Variants in SLC35G2 observed in about 807,000 individuals in gnomAD.
SLC35G2 encodes transmembrane protein 22.
SLC35G2 carries 20 observed loss-of-function variants against 27.2 expected under a neutral mutation model. The ratio of observed to expected loss-of-function variants is 0.74; its 90% confidence interval spans 0.52 to 1.07. The LOEUF is 1.07. SLC35G2 is among the 50% of genes least tolerant of loss of function. The pLI is 0.00. For synonymous variants in SLC35G2, 148 were observed against 165.3 expected (o/e 0.90, Z 0.80); for missense variants, 416 against 493.3 (o/e 0.84, Z 1.48).
rs769818276 is a variant in SLC35G2, at chr3:136,854,940, AC to A, written c.483del (p.Ser162ValfsTer27). ...VCYYQEAPFG[P>X]SGYRLRLFFY... ...GTTACTATCAGGAGGCCCCCTTTGGACCCAGTGGATACAGATTACGACTCTT... is the reference window on the plus strand; with the variant it reads ...GTTACTATCAGGAGGCCCCCTTTGGACCAGTGGATACAGATTACGACTCTT... On this transcript the variant is annotated frameshift_variant, in exon 2 of 2. Coordinates refer to ENST00000446465, the MANE Select transcript of SLC35G2 (RefSeq NM_025246.3). LOFTEE classifies it high-confidence loss of function. 3 of 1,613,986 alleles carry A rather than the reference AC, an allele frequency of 1.9e-6. No homozygotes were observed. The highest frequency in any genetic ancestry group is 2.5e-6 in the Non-Finnish European group (3 of 1,180,032).
intron 1 of SLC35G2, among the ~76,000 whole-genome samples, chr3:136,844,332 A>G (rs1937255608): frequency 6.6e-6 from 1 of 151,706 alleles, no homozygotes; most frequent in South Asian, 2.1e-4. Flanking sequence ...TACTAAAAAT[A>G]TAAAAAATTA....
In SLC35G2 at chr3:136,855,352, T is replaced by TG; in HGVS notation, c.896dup (p.Ile300AsnfsTer49). On this transcript the variant is annotated frameshift_variant, in exon 2 of 2. Transcript: ENST00000446465. LOFTEE classifies it high-confidence loss of function. ...TACTTTTGGTTGGACTGGGACAATT[T>TG]GGGGAATATCTACTATGTTTATTCT... 6.2e-7 allele frequency: 1 copy of TG among 1,614,194 alleles called. No individual in the cohort carries two copies. Among genetic ancestry groups the TG allele is most frequent in the Non-Finnish European group, 8.5e-7 (1 of 1,180,016 alleles).
At chr3:136,841,357 G>T (rs1236525395) in intron 1 of SLC35G2, among the ~76,000 whole-genome samples, 1 of 152,062 alleles carries the variant, frequency 6.6e-6, no homozygotes, top group African/African-American at 2.4e-5. Context: ...CAAGCTCATG[G>T]ATAGAATGAA....
intron 1 of SLC35G2, among the ~76,000 whole-genome samples, chr3:136,844,124 G>A (rs533287622): frequency 1.3e-5 from 2 of 152,186 alleles, no homozygotes; most frequent in Admixed American, 6.5e-5. Context: ...CCCGGGAAGC[G>A]GAGGTTGCAG....
chr3:136,840,077 A>C (rs1180522292), intron 1 of SLC35G2, among the ~76,000 whole-genome samples: 1 of 152,190 alleles, frequency 6.6e-6, no homozygotes, highest in African/African-American at 2.4e-5. Context: ...TCTGGAATCC[A>C]GTATCCATTA....
intron 1 of SLC35G2, among the ~76,000 whole-genome samples, chr3:136,834,367 C>G (rs1405355626): frequency 1.3e-5 from 2 of 152,166 alleles, no homozygotes. Flanking sequence ...GAGTTTCACT[C>G]TTGTGGCTGA....
chr3:136,828,717 G>T (rs1020693336), intron 1 of SLC35G2, among the ~76,000 whole-genome samples: 1 of 152,184 alleles, frequency 6.6e-6, no homozygotes, highest in African/African-American at 2.4e-5. Flanking sequence ...TTGGATTGGA[G>T]AATTTAGTCT....
Position 136,855,481 on chromosome 3 carries a change from A to T in SLC35G2, c.1021A>T (p.Lys341Ter). The T allele has an allele frequency of 6.2e-7, 1 of 1,614,162 alleles. No homozygotes were observed. Among genetic ancestry groups the T allele is most frequent in the South Asian group, 1.1e-5 (1 of 91,086 alleles). ...CTTAGGAGTTTATTATGCCTTGGACAAATTCCATCCAGCTTTGGTTAGCAC... is the reference window on the plus strand; with the variant it reads ...CTTAGGAGTTTATTATGCCTTGGACTAATTCCATCCAGCTTTGGTTAGCAC... The part of the protein sequence containing the change: ...AFLGVYYALD[K>*]FHPALVSTVQ... The change falls in exon 2 of 2, where the codon AAA (lysine) becomes TAA (stop). Residue 341 changes from lysine (K) to a stop codon, truncating the protein, a stop_gained. Coordinates refer to ENST00000446465, the MANE Select transcript of SLC35G2 (RefSeq NM_025246.3). LOFTEE classifies it high-confidence loss of function.
chr3:136,849,537 G>A (rs2108031935), intron 1 of SLC35G2, among the ~76,000 whole-genome samples: 1 of 151,448 alleles, frequency 6.6e-6, no homozygotes, highest in East Asian at 2.0e-4. Flanking sequence ...TGTCTCCCAG[G>A]CTGAAGTGCA....
At chr3:136,827,729 G>A (rs1040745859) in intron 1 of SLC35G2, among the ~76,000 whole-genome samples, 3 of 151,934 alleles carry the variant, frequency 2.0e-5, no homozygotes, top group Admixed American at 6.6e-5. Context: ...TCATTCAGGA[G>A]CATATTGCTT....
At chr3:136,820,230 C>T (rs1456314301) in intron 1 of SLC35G2, 2 of 152,492 alleles carry the variant, frequency 1.3e-5, no homozygotes, top group African/African-American at 4.8e-5. Context: ...GGGGTAGGTC[C>T]AGAGGGCTGG....
intron 1 of SLC35G2, chr3:136,837,409 A>AT (rs910520348): frequency 6.6e-6 from 1 of 152,110 alleles, no homozygotes; most frequent in Non-Finnish European, 1.5e-5. Context: ...AAATAGCTTG[A>AT]TTTTTTTCTG....
chr3:136,837,482 T>C (rs1936906919), intron 1 of SLC35G2: 2 of 152,176 alleles, frequency 1.3e-5, no homozygotes, highest in South Asian at 4.1e-4. Context: ...TACCATATAA[T>C]TGAATTTCCA....
chr3:136,834,957 C>G (rs993067210), intron 1 of SLC35G2, among the ~76,000 whole-genome samples: 2 of 152,228 alleles, frequency 1.3e-5, no homozygotes, highest in East Asian at 1.9e-4. Flanking sequence ...TTTTCTTTTT[C>G]TGAACCAATC....
At chr3:136,824,138 T>A (rs1560009436) in intron 1 of SLC35G2, among the ~76,000 whole-genome samples, 1 of 152,212 alleles carries the variant, frequency 6.6e-6, no homozygotes, top group Non-Finnish European at 1.5e-5. Context: ...GTAGTATAAT[T>A]TGAAGTCACG....
rs764103446 is a variant in SLC35G2 at position 136,855,501 on chromosome 3, TAGCAC to T, written c.1044_1048del (p.Val350ThrfsTer20). The stretch of plus-strand genomic sequence containing the variant: ...TGGACAAATTCCATCCAGCTTTGGT[TAGCAC>T]AGTACAACATTTGGAGATTGTGGTA... On this transcript the variant is annotated frameshift_variant, in exon 2 of 2. Coordinates refer to ENST00000446465, the MANE Select transcript of SLC35G2 (RefSeq NM_025246.3). LOFTEE classifies it high-confidence loss of function. The T allele has an allele frequency of 1.1e-5, 18 of 1,614,072 alleles. No homozygotes were observed. The East Asian group carries it at 3.6e-4, about 32-fold the overall frequency.
intron 1 of SLC35G2, among the ~76,000 whole-genome samples, chr3:136,828,450 C>T (rs1936644027): frequency 6.6e-6 from 1 of 152,160 alleles, no homozygotes; most frequent in Admixed American, 6.5e-5. Flanking sequence ...GTTGTTATAG[C>T]CTCTTGAAGA....
chr3:136,850,311 C>T (rs1361924134), intron 1 of SLC35G2, among the ~76,000 whole-genome samples: 2 of 152,166 alleles, frequency 1.3e-5, no homozygotes, highest in South Asian at 2.1e-4. Context: ...CCTCCTGTCA[C>T]TCCTGATAAT....
At chr3:136,837,474 C>A (rs1276593332) in intron 1 of SLC35G2, 1 of 151,882 alleles carries the variant, frequency 6.6e-6, no homozygotes, top group Non-Finnish European at 1.5e-5. Context: ...AGAGAAAATA[C>A]CATATAATTG....
Sources: gnomAD v4.1 joint callset for allele counts (sites outside exome capture counted in the v4.1 genomes callset) on GRCh38, gnomAD v4.1.1 for gene constraint, MANE v1.5 for transcripts, NCBI Gene and HGNC (gene_info 2026-07-23, HGNC 2026-07-21) for gene names.